The following ZPBP variants were observed in gnomAD, a reference collection of about 807,000 sequenced individuals.
ZPBP encodes the protein zona pellucida-binding protein 1.
A neutral mutation model predicts 44.8 loss-of-function variants in ZPBP; 26 were observed. The ratio of observed to expected loss-of-function variants is 0.58; its 90% CI spans 0.43 to 0.81. ZPBP has a LOEUF of 0.81. ZPBP is among the 30% of genes least tolerant of loss of function. The probability of loss-of-function intolerance (pLI) is 0.00; values close to 1 mark genes in which losing one functional copy is unlikely to be tolerated. For missense variants in ZPBP, 409 were observed against 434.0 expected (o/e 0.94, Z 0.51); for synonymous variants, 174 against 153.2 (o/e 1.14, Z -1.00).
intron 4 of ZPBP, among the ~76,000 whole-genome samples, chr7:50,050,641 TA>T (rs1465072901): frequency 2.6e-5 from 4 of 151,482 alleles, no homozygotes; most frequent in Non-Finnish European, 4.4e-5. Context: ...TAGTTAAATA[TA>T]AAAAGGAAAC....
At chr7:50,033,104 T>A (rs1799675858) in intron 4 of ZPBP, among the ~76,000 whole-genome samples, 1 of 152,180 alleles carries the variant, frequency 6.6e-6, no homozygotes, top group South Asian at 2.1e-4. Context: ...AAGAAAGCTT[T>A]TTTTTTAGCT....
Position 49,901,845 on chromosome 7 carries a change from C to T in ZPBP, n.412-630G>A, listed in dbSNP as rs912472624. On this transcript the variant is annotated intron_variant and non_coding_transcript_variant, in intron 1 of 2. Coordinates refer to the ZPBP transcript ENST00000465922. ...TTGATCAATGGAACAGAATAGAGAGCCCAGAAATAGACTCAGATAAATATG... is the reference window on the plus strand; with the variant it reads ...TTGATCAATGGAACAGAATAGAGAGTCCAGAAATAGACTCAGATAAATATG... Among the ~76,000 whole-genome samples, 31 of 140,620 alleles carry T rather than the reference C, an allele frequency of 2.2e-4. 1 individual carries two copies. The highest frequency in any genetic ancestry group is 8.6e-4 in the African/African-American group (31 of 36,144). 92.3% of individuals were successfully genotyped at this position (140,620 alleles called of 152,430 possible).
At chr7:49,874,523 G>A (rs1055552879) in intron 2 of ZPBP, among the ~76,000 whole-genome samples, 5 of 150,522 alleles carry the variant, frequency 3.3e-5, no homozygotes, top group South Asian at 4.2e-4. Flanking sequence ...ATGTATCCTC[G>A]TTGTTACATG....
intron 5 of ZPBP, among the ~76,000 whole-genome samples, chr7:50,026,926 G>A (rs1271152653): frequency 6.6e-6 from 1 of 151,938 alleles, no homozygotes; most frequent in Admixed American, 6.6e-5. Context: ...AGCTAATAGA[G>A]ACTGCACACA....
At chr7:49,993,369 G>A (rs1012117936) in intron 6 of ZPBP, among the ~76,000 whole-genome samples, 4 of 152,026 alleles carry the variant, frequency 2.6e-5, no homozygotes, top group African/African-American at 9.7e-5. Flanking sequence ...ACAAAGAACA[G>A]ATAGGAAAAA....
At chr7:49,919,771 C>T (rs559769667) in intron 1 of ZPBP, 3 of 152,440 alleles carry the variant, frequency 2.0e-5, no homozygotes, top group South Asian at 4.1e-4. Context: ...GCTCAGCTGC[C>T]ACCGGCCAGG....
intron 4 of ZPBP, among the ~76,000 whole-genome samples, chr7:50,038,394 G>T (rs1445080950): frequency 6.6e-6 from 1 of 152,214 alleles, no homozygotes; most frequent in Non-Finnish European, 1.5e-5. Flanking sequence ...AGTCACCTAG[G>T]AGAAGCAATA....
intron 3 of ZPBP, among the ~76,000 whole-genome samples, chr7:50,065,423 C>T (rs956041144): frequency 2.7e-5 from 4 of 150,748 alleles, no homozygotes; most frequent in South Asian, 2.1e-4. Context: ...GGCGTTTCTC[C>T]GTAGAGTTTT....
intron 7 of ZPBP, among the ~76,000 whole-genome samples, chr7:49,960,975 C>G (rs769273070): frequency 6.6e-6 from 1 of 152,122 alleles, no homozygotes; most frequent in Non-Finnish European, 1.5e-5. Flanking sequence ...AATTATACAG[C>G]CACTTTATAA....
intron 2 of ZPBP, among the ~76,000 whole-genome samples, chr7:49,862,753 T>C (rs1034673893): frequency 2.0e-5 from 3 of 152,104 alleles, no homozygotes; most frequent in East Asian, 1.9e-4. Flanking sequence ...TTCATTCTGT[T>C]AATGTGTTGT....
intron 7 of ZPBP, among the ~76,000 whole-genome samples, chr7:49,981,059 A>T (rs1159259050): frequency 2.0e-5 from 3 of 149,684 alleles, no homozygotes; most frequent in African/African-American, 7.4e-5. Context: ...TATATTAGGA[A>T]ATAGAATACA....
chr7:50,082,896 G>T (rs1434246403), intron 2 of ZPBP, among the ~76,000 whole-genome samples: 1 of 151,564 alleles, frequency 6.6e-6, no homozygotes, highest in Non-Finnish European at 1.5e-5. Context: ...TTTAATAAAT[G>T]CTTACCCCAT....
At chr7:49,930,585 C>T (rs1048386857) in intron 1 of ZPBP, among the ~76,000 whole-genome samples, 5 of 152,122 alleles carry the variant, frequency 3.3e-5, no homozygotes, top group South Asian at 2.1e-4. Context: ...GACTTAAAAA[C>T]GATACTGGAG....
At chr7:49,887,235 A>G (rs2128729134) in intron 2 of ZPBP, among the ~76,000 whole-genome samples, 1 of 152,264 alleles carries the variant, frequency 6.6e-6, no homozygotes, top group South Asian at 2.1e-4. Context: ...GCTCTGACAC[A>G]CACTTATTTA....
intron 1 of ZPBP, chr7:49,913,932 G>A (rs1170450868): frequency 1.3e-5 from 2 of 152,046 alleles, no homozygotes; most frequent in Non-Finnish European, 2.9e-5. Flanking sequence ...TTTTTGTCTT[G>A]TTCATAAAGA....
At chr7:50,041,536 T>C (rs1423586310) in intron 4 of ZPBP, among the ~76,000 whole-genome samples, 2 of 152,132 alleles carry the variant, frequency 1.3e-5, no homozygotes, top group African/African-American at 4.8e-5. Context: ...GTGGACCTCC[T>C]GCAAACTCCA....
intron 5 of ZPBP, among the ~76,000 whole-genome samples, chr7:50,024,712 T>G (rs1183284095): frequency 2.0e-5 from 3 of 151,606 alleles, no homozygotes; most frequent in Non-Finnish European, 4.4e-5. Context: ...TGTACAAAGT[T>G]GTAGTTAAGA....
chr7:49,865,678 A>G (rs1790855112), intron 2 of ZPBP, among the ~76,000 whole-genome samples: 1 of 152,216 alleles, frequency 6.6e-6, no homozygotes, highest in Admixed American at 6.5e-5. Context: ...AGCAAGTCAC[A>G]TGTCAAGTGA....
chr7:50,065,560 G>A (rs545598469), intron 3 of ZPBP, among the ~76,000 whole-genome samples: 4 of 150,996 alleles, frequency 2.6e-5, no homozygotes, highest in Non-Finnish European at 5.9e-5. Context: ...ACTAAACACT[G>A]GCTGAGGCTG....
Sources: allele counts gnomAD v4.1 joint callset (sites outside exome capture counted in the v4.1 genomes callset), GRCh38; gene constraint gnomAD v4.1.1; transcripts MANE v1.5; gene names NCBI Gene and HGNC (gene_info 2026-07-23, HGNC 2026-07-21).